The following HNMT variants were observed in gnomAD, a reference collection of about 807,000 sequenced individuals.
HNMT encodes histamine N-methyltransferase.
A neutral mutation model predicts 32.1 loss-of-function variants in HNMT; 30 were observed. The ratio of observed to expected loss-of-function variants is 0.93; its 90% CI spans 0.70 to 1.27. The LOEUF (loss-of-function observed/expected upper bound fraction) is 1.27, where lower values mean the gene tolerates loss of function less well. HNMT is among the 50% of genes most tolerant of loss of function. The pLI is 0.00. For missense variants in HNMT, 327 were observed against 346.0 expected (o/e 0.95, Z 0.43); for synonymous variants, 125 against 119.0 (o/e 1.05, Z -0.33).
At chr2:137,978,809 A>G (rs1680383073) in intron 2 of HNMT, among the ~76,000 whole-genome samples, 1 of 139,666 alleles carries the variant, frequency 7.2e-6, no homozygotes, top group Non-Finnish European at 1.5e-5. Flanking sequence ...GTAATATAGT[A>G]TTATATAATA....
chr2:138,008,417 C>A (rs575565730), intron 5 of HNMT, among the ~76,000 whole-genome samples: 1 of 152,028 alleles, frequency 6.6e-6, no homozygotes, highest in South Asian at 2.1e-4. Flanking sequence ...GATTCCATGT[C>A]TTTGCTATTG....
chr2:137,964,893 C>T (rs1254012618), intron 1 of HNMT, among the ~76,000 whole-genome samples: 1 of 152,176 alleles, frequency 6.6e-6, no homozygotes, highest in Admixed American at 6.5e-5. Context: ...TTTGAAGGCA[C>T]AAATCCATGT....
chr2:137,967,401 C>A, intron 1 of HNMT: 1 of 352,016 alleles, frequency 2.8e-6, no homozygotes, highest in Non-Finnish European at 5.1e-6. Context: ...GAACCTGTCT[C>A]AAACAAGAGA....
intron 1 of HNMT, among the ~76,000 whole-genome samples, chr2:137,967,885 T>C (rs1295160907): frequency 1.3e-5 from 2 of 152,216 alleles, no homozygotes; most frequent in Non-Finnish European, 2.9e-5. Flanking sequence ...TCTCTGCCTC[T>C]TTCCATCTCT....
intron 2 of HNMT, among the ~76,000 whole-genome samples, chr2:137,979,349 C>A (rs940672137): frequency 6.6e-6 from 1 of 151,584 alleles, no homozygotes; most frequent in Non-Finnish European, 1.5e-5. Flanking sequence ...CGGCTCACTG[C>A]AAGCTCCGCC....
intron 3 of HNMT, among the ~76,000 whole-genome samples, chr2:138,001,515 C>T (rs920389352): frequency 9.9e-5 from 15 of 152,124 alleles, no homozygotes; most frequent in African/African-American, 2.9e-4. Flanking sequence ...TTGAATAAAA[C>T]TTTATTTGTA....
chr2:137,994,763 A>T (rs1024546707), intron 2 of HNMT, among the ~76,000 whole-genome samples: 1 of 152,198 alleles, frequency 6.6e-6, no homozygotes, highest in Non-Finnish European at 1.5e-5. Context: ...CTACGACATA[A>T]TTGGAAATAA....
intron 2 of HNMT, among the ~76,000 whole-genome samples, chr2:137,989,644 G>T (rs77522384): frequency 6.6e-6 from 1 of 152,180 alleles, no homozygotes; most frequent in African/African-American, 2.4e-5. Flanking sequence ...ATATGGTAAG[G>T]TTATGCTTCG....
intron 2 of HNMT, among the ~76,000 whole-genome samples, chr2:137,982,902 A>G (rs989947252): frequency 2.6e-5 from 4 of 152,204 alleles, no homozygotes; most frequent in Admixed American, 2.6e-4. Flanking sequence ...ATCACATTTT[A>G]TTCTAATGGA....
chr2:137,981,149 ATAGG>A (rs1680482064), intron 2 of HNMT: 3 of 1,527,494 alleles, frequency 2.0e-6, no homozygotes, highest in Non-Finnish European at 8.8e-7. Flanking sequence ...AGAAGCAGGG[ATAGG>A]CTGAAATCGA....
At position 137,997,868 on chromosome 2, in the gene HNMT, C is replaced by A. The variant is rs188324048; in HGVS notation, c.191-3050C>A. On this transcript the variant is annotated intron_variant, in intron 2 of 5. Transcript: ENST00000280097. Reference sequence around the variant, plus strand: ...AAAAAGAATGAGTTCATGTCCTTCACAGGGACATGGATGATGCTGGGAGCC... The same window carrying A: ...AAAAAGAATGAGTTCATGTCCTTCAAAGGGACATGGATGATGCTGGGAGCC... 2.0e-5 allele frequency among the ~76,000 whole-genome samples: 3 copies of A among 152,260 alleles called. 1 individual carries two copies. In the East Asian group the frequency reaches 5.8e-4, roughly 29 times the overall value.
rs1170519219 is a variant in HNMT at position 138,013,477 on chromosome 2, C to T, written c.524-298C>T. ...TTCCCCCTGATATCTCCATGTCTTG[C>T]TGTCAGGTCTCTGCTCAAATGTCAG... On this transcript the variant is annotated intron_variant, in intron 5 of 5. Coordinates refer to ENST00000280097, the MANE Select transcript of HNMT (RefSeq NM_006895.3). Among the ~76,000 whole-genome samples the T allele has an allele frequency of 2.0e-5, 3 of 152,122 alleles. No homozygotes were observed. In the East Asian group the frequency reaches 5.8e-4, roughly 29 times the overall value.
chr2:137,979,575 T>A (rs1263153751), intron 2 of HNMT, among the ~76,000 whole-genome samples: 5 of 151,988 alleles, frequency 3.3e-5, no homozygotes. Context: ...ATTTATATTA[T>A]ATATGAAAGA....
chr2:138,008,724 T>C (rs1681406465), intron 5 of HNMT, among the ~76,000 whole-genome samples: 1 of 152,068 alleles, frequency 6.6e-6, no homozygotes, highest in Non-Finnish European at 1.5e-5. Context: ...GCTAGCCATA[T>C]GCAGAAGACT....
chr2:137,988,164 G>A (rs1476539161), intron 2 of HNMT, among the ~76,000 whole-genome samples: 1 of 152,202 alleles, frequency 6.6e-6, no homozygotes, highest in Non-Finnish European at 1.5e-5. Flanking sequence ...ATGTTTAGTG[G>A]AGAAGCTTGA....
chr2:138,010,148 A>G (rs577733249), intron 5 of HNMT, among the ~76,000 whole-genome samples: 1 of 152,104 alleles, frequency 6.6e-6, no homozygotes. Flanking sequence ...AAAACTGAGT[A>G]CTCATGGTAT....
At position 138,014,136 on chromosome 2, in the gene HNMT, A is replaced by C. The variant is rs751494355; in HGVS notation, c.*6A>C. The C allele has an allele frequency of 1.4e-5, 20 of 1,465,180 alleles. No individual in the cohort carries two copies. In the Admixed American group the frequency reaches 1.6e-4, roughly 12 times the overall value. 90.8% of individuals were successfully genotyped at this position (1,465,180 alleles called of 1,614,324 possible). ...TCATAGTGATTGAGGCATAACTATCAATCACAAAAGTATATTCAAAAATTA... is the reference window on the plus strand; with the variant it reads ...TCATAGTGATTGAGGCATAACTATCCATCACAAAAGTATATTCAAAAATTA... On this transcript the variant is annotated 3_prime_UTR_variant, in exon 6 of 6. Transcript: ENST00000280097.
rs770889455 is a variant in HNMT, at chr2:138,002,094, A to G, written c.329A>G (p.Asn110Ser). 9 of 1,597,558 alleles carry G rather than the reference A, an allele frequency of 5.6e-6. No individual in the cohort carries two copies. Among genetic ancestry groups the G allele is most frequent in the Non-Finnish European group, 7.7e-6 (9 of 1,172,930 alleles). The change falls in exon 4 of 6, where the codon AAC (asparagine) becomes AGC (serine). Residue 110 changes from asparagine (N) to serine (S), a missense_variant. Asn to Ser is a conservative substitution (Grantham distance 46, BLOSUM62 1). Coordinates refer to ENST00000280097, the MANE Select transcript of HNMT (RefSeq NM_006895.3). ...ELVAKTSNLE[N>S]VKFAWHKETS... The stretch of plus-strand genomic sequence containing the variant: ...GTAGCCAAGACATCGAACCTCGAGA[A>G]CGTAAAGTTTGCTTGGCATAAGGAG...
At chr2:137,992,413 TGTCCCTCACA>T (rs1680849345) in intron 2 of HNMT, among the ~76,000 whole-genome samples, 2 of 152,182 alleles carry the variant, frequency 1.3e-5, no homozygotes, top group South Asian at 4.1e-4. Context: ...TCCCAAGACT[TGTCCCTCACA>T]GTCCAACACA....
Sources: gnomAD v4.1 joint callset for allele counts (sites outside exome capture counted in the v4.1 genomes callset) on GRCh38, gnomAD v4.1.1 for gene constraint, MANE v1.5 for transcripts, NCBI Gene and HGNC (gene_info 2026-07-23, HGNC 2026-07-21) for gene names.